Variants in GLI2 observed in about 807,000 individuals in gnomAD.
The protein encoded by GLI2 is transcription activator GLI2.
Under a neutral mutation model 78.9 loss-of-function variants are expected in GLI2, and 22 were observed. The observed-to-expected ratio is 0.28, with a 90% CI of 0.20 to 0.40. The LOEUF is 0.40. Among genes scored for constraint, GLI2 ranks in the 10% least tolerant of loss-of-function variants. GLI2 has a pLI of 1.00. For missense variants in GLI2, 2,097 were observed against 2,213.2 expected (o/e 0.95, Z 1.05); for synonymous variants, 974 against 963.7 (o/e 1.01, Z -0.20).
chr2:120,936,053 T>C (rs1680182021), intron 3 of GLI2, among the ~76,000 whole-genome samples: 1 of 151,976 alleles, frequency 6.6e-6, no homozygotes, highest in Non-Finnish European at 1.5e-5. Flanking sequence ...ACTATTCGGT[T>C]CCTCTCCTGT....
At chr2:120,898,762 A>T (rs950532580) in intron 2 of GLI2, among the ~76,000 whole-genome samples, 35 of 152,206 alleles carry the variant, frequency 2.3e-4, no homozygotes, top group African/African-American at 8.2e-4. Context: ...TCAGATAGAG[A>T]AAATAGATGA....
At chr2:120,935,966 A>G (rs1373691798) in intron 3 of GLI2, among the ~76,000 whole-genome samples, 1 of 152,150 alleles carries the variant, frequency 6.6e-6, no homozygotes, top group Non-Finnish European at 1.5e-5. Flanking sequence ...AGGAGGGGCC[A>G]GGGAGTGGAG....
At chr2:120,775,590 A>C (rs1371889736) in intron 1 of GLI2, among the ~76,000 whole-genome samples, 1 of 152,198 alleles carries the variant, frequency 6.6e-6, no homozygotes, top group Non-Finnish European at 1.5e-5. Context: ...AAGGGTTCTC[A>C]CTAGGGAGAG....
intron 1 of GLI2, among the ~76,000 whole-genome samples, chr2:120,770,240 T>TC (rs1261895918): frequency 2.6e-5 from 4 of 152,068 alleles, no homozygotes; most frequent in African/African-American, 9.7e-5. Context: ...TGCCTTTCCA[T>TC]CCCCCACCCC....
chr2:120,787,610 C>T (rs572138409), intron 1 of GLI2, among the ~76,000 whole-genome samples: 1 of 152,342 alleles, frequency 6.6e-6, no homozygotes, highest in Admixed American at 6.5e-5. Context: ...CAGAGGCCAG[C>T]CTTGTTTTTC....
rs1684441083 is a variant in GLI2, at chr2:120,797,305, A to G, written c.-16A>G. 6.2e-7 allele frequency: 1 copy of G among 1,613,648 alleles called. No individual in the cohort carries two copies. Among genetic ancestry groups the G allele is most frequent in the Non-Finnish European group, 8.5e-7 (1 of 1,179,828 alleles). ...TTCTCTTTTAGGATTGCCACCCAGG[A>G]CGATGAGCGGCTGAGATGGAGACGT... On this transcript the variant is annotated 5_prime_UTR_variant, in exon 2 of 14. Transcript: ENST00000361492.
intron 2 of GLI2, among the ~76,000 whole-genome samples, chr2:120,874,930 G>A (rs6757250): frequency 0.035 from 5,393 of 152,242 alleles, 321 homozygotes; most frequent in African/African-American, 0.12. Context: ...GGAGGTATAC[G>A]ACTTGGGGGT....
At position 120,970,301 on chromosome 2, in the gene GLI2, C is replaced by T. The variant is rs927769120; in HGVS notation, c.846-92C>T. 8 of 736,000 alleles carry T rather than the reference C, an allele frequency of 1.1e-5. No individual in the cohort carries two copies. In the East Asian group the frequency reaches 1.3e-4, roughly 12 times the overall value. The allele number at this position is 736,000 out of a possible 1,614,324, so 45.6% of individuals were successfully genotyped here. On this transcript the variant is annotated intron_variant, in intron 6 of 13. Coordinates refer to ENST00000361492, the MANE Select transcript of GLI2 (RefSeq NM_001374353.1). ...GGGCTAGCAACATGCTCATCCCTATCCCCTGGGCAAGGTTCTCTCTGTCCA... is the reference window on the plus strand; with the variant it reads ...GGGCTAGCAACATGCTCATCCCTATTCCCTGGGCAAGGTTCTCTCTGTCCA...
intron 2 of GLI2, among the ~76,000 whole-genome samples, chr2:120,880,179 G>T (rs1677050215): frequency 6.6e-6 from 1 of 152,166 alleles, no homozygotes; most frequent in Admixed American, 6.5e-5. Flanking sequence ...GGATGGAAAA[G>T]CGAAAGGTTT....
chr2:120,778,207 C>T (rs1683739013), intron 1 of GLI2, among the ~76,000 whole-genome samples: 1 of 152,150 alleles, frequency 6.6e-6, no homozygotes, highest in Non-Finnish European at 1.5e-5. Context: ...TCTGACAGGG[C>T]TGTCCTGGCC....
chr2:120,846,187 A>C (rs1687107101), intron 2 of GLI2, among the ~76,000 whole-genome samples: 1 of 152,196 alleles, frequency 6.6e-6, no homozygotes, highest in Admixed American at 6.5e-5. Context: ...CACCTTCTTC[A>C]AAGCCACCCA....
chr2:120,841,848 GGTGTGTGTGTGTGT>G (rs555474895), intron 2 of GLI2, among the ~76,000 whole-genome samples: 64 of 132,688 alleles, frequency 4.8e-4, no homozygotes, highest in African/African-American at 1.6e-3. Flanking sequence ...CAGTCTGGAG[GGTGTGTGTGTGTGT>G]GTGTGTGTGT....
chr2:120,853,573 T>C (rs949668147), intron 2 of GLI2, among the ~76,000 whole-genome samples: 13 of 152,186 alleles, frequency 8.5e-5, no homozygotes, highest in Admixed American at 3.9e-4. Flanking sequence ...TTTTTCTAAG[T>C]CACTAGTCCC....
rs1376587972 is a variant in GLI2 at position 120,927,483 on chromosome 2, G to C, written c.254+17G>C. On this transcript the variant is annotated intron_variant, in intron 3 of 13. Transcript: ENST00000361492. ...TGTGCACGGGTAAGTCCTGCCCTCT[G>C]CCTGCTGCTCCTGGCGTGCAGTCAC... is the stretch of plus-strand genomic sequence containing the variant. The C allele has an allele frequency of 6.5e-7, 1 of 1,548,934 alleles. No homozygotes were observed. Among genetic ancestry groups the C allele is most frequent in the South Asian group, 1.1e-5 (1 of 89,798 alleles).
chr2:120,867,656 T>G (rs1688210414), intron 2 of GLI2, among the ~76,000 whole-genome samples: 1 of 152,228 alleles, frequency 6.6e-6, no homozygotes, highest in Non-Finnish European at 1.5e-5. Flanking sequence ...GGAGTGCTGA[T>G]GAGGCCGCTC....
chr2:120,988,543 G>C lies in GLI2; in HGVS notation c.2578G>C (p.Gly860Arg). 2 of 1,504,204 alleles carry C rather than the reference G, an allele frequency of 1.3e-6. No individual in the cohort carries two copies. Among genetic ancestry groups the C allele is most frequent in the African/African-American group, 1.4e-5 (1 of 69,094 alleles). The allele number at this position is 1,504,204 out of a possible 1,614,324, so 93.2% of individuals were successfully genotyped here. Residue 860 changes from glycine (G) to arginine (R), a missense_variant, in exon 14 of 14, where the codon GGG (glycine) becomes CGG (arginine). By Grantham distance (125) the Gly-to-Arg change is moderately radical. Coordinates refer to ENST00000361492, the MANE Select transcript of GLI2 (RefSeq NM_001374353.1). ...SEASQCSGGS[G>R]LLNLTPAQQY... ...GGCCAGCCAGTGCAGCGGCGGCTCC[G>C]GGCTGCTCAACCTCACGCCGGCGCA...
intron 2 of GLI2, among the ~76,000 whole-genome samples, chr2:120,887,005 A>G (rs1048019000): frequency 2.0e-5 from 3 of 152,330 alleles, no homozygotes; most frequent in Admixed American, 6.5e-5. Flanking sequence ...GCAGAAACAC[A>G]TGGTGAAAAT....
chr2:120,826,728 C>T (rs961910571), intron 2 of GLI2, among the ~76,000 whole-genome samples: 5 of 152,186 alleles, frequency 3.3e-5, no homozygotes, highest in Admixed American at 2.6e-4. Flanking sequence ...CATGGGATTC[C>T]AATGCCTATG....
At chr2:120,780,650 C>T (rs1379381746) in intron 1 of GLI2, among the ~76,000 whole-genome samples, 1 of 152,190 alleles carries the variant, frequency 6.6e-6, no homozygotes, top group Non-Finnish European at 1.5e-5. Flanking sequence ...TATCACTGTC[C>T]ACTACACTAC....
Sources: allele counts gnomAD v4.1 joint callset (sites outside exome capture counted in the v4.1 genomes callset), GRCh38; gene constraint gnomAD v4.1.1; transcripts MANE v1.5; gene names NCBI Gene and HGNC (gene_info 2026-07-23, HGNC 2026-07-21).